AIMP1: variants seen among roughly 807,000 people sequenced by gnomAD.
AIMP1 encodes the protein aminoacyl tRNA synthetase complex interacting multifunctional protein 1, also known as aminoacyl tRNA synthase complex-interacting multifunctional protein 1.
Under a neutral mutation model 33.1 loss-of-function variants are expected in AIMP1, and 24 were observed. The ratio of observed to expected loss-of-function variants is 0.73; its 90% CI spans 0.53 to 1.02. The LOEUF is 1.02. Ranked by LOEUF, AIMP1 falls within the 50% of genes least tolerant of loss-of-function variation. AIMP1 has a pLI of 0.00. For missense variants in AIMP1, 367 were observed against 364.8 expected (o/e 1.01, Z -0.05); for synonymous variants, 120 against 121.5 (o/e 0.99, Z 0.08).
At position 106,336,914 on chromosome 4, in the gene AIMP1, A is replaced by C. The variant is rs1769905830; in HGVS notation, c.649A>C (p.Lys217Gln). 6.2e-7 allele frequency: 1 copy of C among 1,613,994 alleles called. No individual in the cohort carries two copies. The highest frequency in any genetic ancestry group is 1.3e-5 in the African/African-American group (1 of 74,934). The change falls in exon 6 of 7, where the codon AAG becomes CAG. Residue 217 changes from lysine to glutamine, a missense_variant. Lys to Gln is a moderately conservative substitution (Grantham distance 53). Transcript: ENST00000672341. ...TTTACTTTGTAACCTGAAACCTGCA[A>C]AGATGAGGGGAGTATTATCTCAAGC... ...VILLCNLKPA[K>Q]MRGVLSQAMV...
At chr4:106,324,934 A>C (rs1455605010) in intron 1 of AIMP1, 51 bp from the exon 2 acceptor site, 2 of 1,469,560 alleles carry the variant, frequency 1.4e-6, no homozygotes, top group Non-Finnish European at 9.2e-7. Context: ...GGCCTATAGT[A>C]TAAATTTATT....
chr4:106,334,960 G>T (rs1769818431), intron 5 of AIMP1, among the ~76,000 whole-genome samples: 1 of 152,154 alleles, frequency 6.6e-6, no homozygotes, highest in African/African-American at 2.4e-5. Flanking sequence ...AGATAAGGGT[G>T]CCAAATGTCT....
chr4:106,316,687 C>T lies in AIMP1; in HGVS notation c.-26+93C>T, dbSNP rs954765637. The T allele has an allele frequency of 4.8e-6, 6 of 1,249,218 alleles. No homozygotes were observed. The African/African-American group carries it at 7.4e-5, about 15-fold the overall frequency. The allele number at this position is 1,249,218 out of a possible 1,614,324, so 77.4% of individuals were successfully genotyped here. A position where few individuals can be genotyped will look rare whatever the true frequency, so the allele number is the denominator to read the frequency against. ...CTAACTTGCCTCCAGGAGAGAGGAC[C>T]TGGCCTGCGCTGCTAATGGGTAGTC... On this transcript the variant is annotated intron_variant, in intron 1 of 6. Transcript: ENST00000672341.
chr4:106,328,368 G>T (rs1406068858), intron 4 of AIMP1, 125 bp downstream of exon 4: 12 of 1,194,630 alleles, frequency 1.0e-5, no homozygotes, highest in Middle Eastern at 2.7e-4. Flanking sequence ...GATAAAATTA[G>T]GAACAATATG....
At chr4:106,332,278 C>T (rs2125924365) in intron 5 of AIMP1, among the ~76,000 whole-genome samples, 1 of 151,974 alleles carries the variant, frequency 6.6e-6, no homozygotes, top group Non-Finnish European at 1.5e-5. Context: ...ATTACAAGTT[C>T]AATCTCCGTG....
chr4:106,326,227 C>T (rs1769449344), intron 2 of AIMP1, among the ~76,000 whole-genome samples: 1 of 152,124 alleles, frequency 6.6e-6, no homozygotes, highest in Non-Finnish European at 1.5e-5. Flanking sequence ...TGCTTAAAAA[C>T]ACTTTGTGTT....
At chr4:106,328,499 A>C (rs554199822) in intron 4 of AIMP1, among the ~76,000 whole-genome samples, 10 of 152,318 alleles carry the variant, frequency 6.6e-5, no homozygotes, top group African/African-American at 2.4e-4. Context: ...GTAAAGGTTA[A>C]GTGTAGAAAC....
At chr4:106,315,911 T>G (rs2125914399), upstream of AIMP1, 1 of 152,984 alleles carries the variant, frequency 6.5e-6, no homozygotes, top group South Asian at 2.1e-4. Context: ...CACGGAAAAC[T>G]GGATTACCCA....
chr4:106,335,787 C>A (rs1421113793), intron 5 of AIMP1, among the ~76,000 whole-genome samples: 1 of 151,540 alleles, frequency 6.6e-6, no homozygotes, highest in African/African-American at 2.4e-5. Flanking sequence ...ATTTATAAAA[C>A]CATCTTTTAT....
At chr4:106,320,996 C>T (rs940339194) in intron 1 of AIMP1, among the ~76,000 whole-genome samples, 1 of 152,216 alleles carries the variant, frequency 6.6e-6, no homozygotes, top group African/African-American at 2.4e-5. Flanking sequence ...GATCTGCCAG[C>T]CTCGGCGTCC....
At position 106,336,856 on chromosome 4, in the gene AIMP1, A is replaced by G; in HGVS notation, c.604-13A>G. On this transcript the variant is annotated splice_polypyrimidine_tract_variant and intron_variant, in intron 5 of 6. Transcript: ENST00000672341. ...TGTGTACATCTTTACTTACCAGTTTATATTTCACACAGATGCAAAATCGGA... is the reference window on the plus strand; with the variant it reads ...TGTGTACATCTTTACTTACCAGTTTGTATTTCACACAGATGCAAAATCGGA... The G allele has an allele frequency of 3.7e-6, 6 of 1,613,126 alleles. No individual in the cohort carries two copies. The highest frequency in any genetic ancestry group is 5.1e-6 in the Non-Finnish European group (6 of 1,179,182).
rs1329440516 is a variant in AIMP1 at position 106,346,912 on chromosome 4, C to T, written c.773-614C>T. Among the ~76,000 whole-genome samples, 9 of 152,160 alleles carry T rather than the reference C, an allele frequency of 5.9e-5. No homozygotes were observed. The East Asian group carries it at 1.4e-3, about 23-fold the overall frequency. ...GAGGTTTAATTGGCTCATGGTTCAG[C>T]GGGCTGTACAGGAAGCATGGCAGCA... On this transcript the variant is annotated intron_variant, in intron 6 of 6. Coordinates refer to ENST00000672341, the MANE Select transcript of AIMP1 (RefSeq NM_001142416.2).
chr4:106,331,631 G>A, intron 4 of AIMP1, 41 bp from the exon 5 acceptor site: 1 of 1,583,534 alleles, frequency 6.3e-7, no homozygotes, highest in Admixed American at 1.7e-5. Context: ...TTTTTGCTTG[G>A]TTTTATTTCT....
chr4:106,331,201 T>C (rs1413624573), intron 4 of AIMP1, among the ~76,000 whole-genome samples: 1 of 152,204 alleles, frequency 6.6e-6, no homozygotes. Flanking sequence ...CTAAATAAAG[T>C]ATTTATCACC....
intron 4 of AIMP1, among the ~76,000 whole-genome samples, chr4:106,329,772 C>CTTTTTTTTTTT (rs59016309): frequency 3.8e-5 from 2 of 53,084 alleles, no homozygotes; most frequent in East Asian, 5.4e-4. Context: ...TGCTACATAT[C>CTTTTTTTTTTT]TTTTTTTTTT....
chr4:106,337,576 A>G (rs748648258), intron 6 of AIMP1, among the ~76,000 whole-genome samples: 5 of 152,180 alleles, frequency 3.3e-5, no homozygotes, highest in Non-Finnish European at 7.3e-5. Flanking sequence ...TTTATAAATT[A>G]CCCAGCCTCG....
At chr4:106,316,837 T>C (rs1329905173) in intron 1 of AIMP1, 1 of 481,710 alleles carries the variant, frequency 2.1e-6, no homozygotes, top group Non-Finnish European at 3.7e-6. Context: ...AAAATATCGA[T>C]CCCTAAGCGT....
chr4:106,344,125 C>T (rs1770203411), intron 6 of AIMP1, among the ~76,000 whole-genome samples: 1 of 152,134 alleles, frequency 6.6e-6, no homozygotes, highest in Non-Finnish European at 1.5e-5. Flanking sequence ...GGTCCTCCTT[C>T]TTCACTGGCT....
intron 5 of AIMP1, among the ~76,000 whole-genome samples, chr4:106,335,737 T>TA (rs1769848632): frequency 6.6e-6 from 1 of 152,088 alleles, no homozygotes; most frequent in Non-Finnish European, 1.5e-5. Context: ...CTCATTTTTT[T>TA]AAATCATAGT....
Sources: gnomAD v4.1 joint callset for allele counts (sites outside exome capture counted in the v4.1 genomes callset) on GRCh38, gnomAD v4.1.1 for gene constraint, MANE v1.5 for transcripts, NCBI Gene and HGNC (gene_info 2026-07-23, HGNC 2026-07-21) for gene names.